The following DDHD1 variants were observed in gnomAD, a reference collection of about 807,000 sequenced individuals.
The protein encoded by DDHD1 is phospholipase DDHD1.
A neutral mutation model predicts 96.4 loss-of-function variants in DDHD1; 49 were observed. That is an observed-to-expected ratio of 0.51 (90% CI 0.40 to 0.64). The LOEUF (loss-of-function observed/expected upper bound fraction) is 0.64. DDHD1 is among the 30% of genes least tolerant of loss of function. DDHD1 has a pLI of 0.00. For missense variants in DDHD1, 1,106 were observed against 1,161.2 expected (o/e 0.95, Z 0.69); for synonymous variants, 442 against 446.5 (o/e 0.99, Z 0.13).
intron 1 of DDHD1, among the ~76,000 whole-genome samples, chr14:53,119,057 C>G (rs1888777689): frequency 6.6e-6 from 1 of 152,150 alleles, no homozygotes; most frequent in Non-Finnish European, 1.5e-5. Flanking sequence ...CATATTCAGC[C>G]AAACTAAGCT....
chr14:53,058,709 C>T lies in DDHD1; in HGVS notation c.1843-83G>A, dbSNP rs12882412. 332,815 of 1,187,994 alleles carry T rather than the reference C, an allele frequency of 0.28. 48,339 individuals carry two copies. Among genetic ancestry groups the T allele is most frequent in the Middle Eastern group, 0.31 (1,562 of 5,016 alleles). 73.6% of individuals were successfully genotyped at this position (1,187,994 alleles called of 1,614,324 possible). A position where few individuals can be genotyped will look rare whatever the true frequency, so the allele number is the denominator to read the frequency against. On this transcript the variant is annotated intron_variant, in intron 8 of 12. Coordinates refer to ENST00000673822, the MANE Select transcript of DDHD1 (RefSeq NM_001160148.2). ...AATTTGGGCATAACGTAATATATGG[C>T]AAAATACAAATAATAAAATATCTTT...
intron 1 of DDHD1, among the ~76,000 whole-genome samples, chr14:53,127,579 C>T (rs1449518008): frequency 6.6e-6 from 1 of 152,164 alleles, no homozygotes; most frequent in Non-Finnish European, 1.5e-5. Flanking sequence ...CAAGACTAAC[C>T]GTGAAGAATC....
rs1216860364 is a variant in DDHD1, at chr14:53,037,410, G to A, written c.*9358C>T. ...GTTCTCTTTTCTCTGAAACCTTACT[G>A]GCATGTTATTAGACTTCTTTACAAT... On this transcript the variant is annotated 3_prime_UTR_variant, in exon 13 of 13. Transcript: ENST00000673822. 2.6e-5 allele frequency: 4 copies of A among 151,990 alleles called. No homozygotes were observed. The highest frequency in any genetic ancestry group is 7.2e-5 in the African/African-American group (3 of 41,404). The allele number at this position is 151,990 out of a possible 1,614,324, so 9.4% of individuals were successfully genotyped here.
At chr14:53,056,493 C>T (rs1161058451) in intron 9 of DDHD1, among the ~76,000 whole-genome samples, 4 of 152,232 alleles carry the variant, frequency 2.6e-5, no homozygotes, top group East Asian at 1.9e-4. Flanking sequence ...GATGGGGTCT[C>T]GCCTTGGTGC....
At chr14:53,071,522 A>G (rs1193632535) in intron 6 of DDHD1, among the ~76,000 whole-genome samples, 1 of 152,070 alleles carries the variant, frequency 6.6e-6, no homozygotes, top group Non-Finnish European at 1.5e-5. Flanking sequence ...GTAAGTTCTC[A>G]ATAAACAAAT....
At chr14:53,150,525 C>G (rs1203199235) in intron 1 of DDHD1, among the ~76,000 whole-genome samples, 1 of 152,196 alleles carries the variant, frequency 6.6e-6, no homozygotes, top group Non-Finnish European at 1.5e-5. Context: ...ACCACGCAGG[C>G]ATTAACAATT....
intron 4 of DDHD1, among the ~76,000 whole-genome samples, chr14:53,077,430 A>G (rs558633262): frequency 1.3e-5 from 2 of 152,308 alleles, no homozygotes; most frequent in African/African-American, 4.8e-5. Context: ...GAACTGAGGC[A>G]CAGTTAATCT....
intron 1 of DDHD1, among the ~76,000 whole-genome samples, chr14:53,116,799 T>C (rs1421438835): frequency 6.6e-6 from 1 of 151,936 alleles, no homozygotes; most frequent in East Asian, 1.9e-4. Context: ...CATCCTAACA[T>C]CGCAATGAAA....
chr14:53,150,826 T>C (rs1891292449), intron 1 of DDHD1, among the ~76,000 whole-genome samples: 1 of 152,230 alleles, frequency 6.6e-6, no homozygotes, highest in Non-Finnish European at 1.5e-5. Flanking sequence ...CACATATAAA[T>C]ATTCTGAATA....
At chr14:53,054,286 T>C in intron 11 of DDHD1, 152 bp downstream of exon 11, 1 of 614,696 alleles carries the variant, frequency 1.6e-6, no homozygotes, top group Non-Finnish European at 2.7e-6. Context: ...CTTAAAAATA[T>C]AAGCAGAAGG....
rs186361775 is a variant in DDHD1, at chr14:53,121,706, A to G, written c.839-17850T>C. Among the ~76,000 whole-genome samples the G allele has an allele frequency of 2.4e-3, 363 of 152,274 alleles. 1 individual carries two copies. The highest frequency in any genetic ancestry group is 9.6e-3 in the Admixed American group (147 of 15,292). On this transcript the variant is annotated intron_variant, in intron 1 of 12. Coordinates refer to ENST00000673822, the MANE Select transcript of DDHD1 (RefSeq NM_001160148.2). Reference sequence around the variant, plus strand: ...AACCAAATACCCCATGTTCTCAGTCAAAAGTGGGAGCTGAACAATGAGAAC... The same window carrying G: ...AACCAAATACCCCATGTTCTCAGTCGAAAGTGGGAGCTGAACAATGAGAAC...
intron 2 of DDHD1, among the ~76,000 whole-genome samples, chr14:53,094,964 G>GC (rs1175953280): frequency 6.6e-6 from 1 of 152,122 alleles, no homozygotes; most frequent in Non-Finnish European, 1.5e-5. Context: ...AGCCCCAGGA[G>GC]CCAGGGAATG....
intron 1 of DDHD1, among the ~76,000 whole-genome samples, chr14:53,125,370 A>G (rs1445727653): frequency 2.6e-5 from 4 of 152,076 alleles, no homozygotes; most frequent in Non-Finnish European, 5.9e-5. Context: ...CTTAGCTAAG[A>G]AAAAAAATAT....
chr14:53,066,502 A>G (rs1437686732), intron 6 of DDHD1, among the ~76,000 whole-genome samples: 9 of 152,180 alleles, frequency 5.9e-5, no homozygotes, highest in Admixed American at 5.9e-4. Flanking sequence ...AGGCTCTTTC[A>G]AATGCCTCAC....
chr14:53,101,162 G>A (rs1268261209), intron 2 of DDHD1, among the ~76,000 whole-genome samples: 1 of 152,118 alleles, frequency 6.6e-6, no homozygotes, highest in Non-Finnish European at 1.5e-5. Flanking sequence ...CAGAAGCTTA[G>A]AGCTAACAGT....
intron 4 of DDHD1, among the ~76,000 whole-genome samples, chr14:53,075,665 A>G (rs926804701): frequency 1.3e-5 from 2 of 152,210 alleles, no homozygotes; most frequent in African/African-American, 2.4e-5. Context: ...AAGCCTTTGG[A>G]CTTTCACAGC....
At position 53,060,748 on chromosome 14, in the gene DDHD1, A is replaced by C. The variant is rs183778995; in HGVS notation, c.1842+378T>G. Among the ~76,000 whole-genome samples the C allele has an allele frequency of 2.7e-3, 418 of 152,242 alleles. 4 individuals carry two copies. The highest frequency in any genetic ancestry group is 0.017 in the Middle Eastern group (5 of 294). On this transcript the variant is annotated intron_variant, in intron 8 of 12. Transcript: ENST00000673822. ...AGCCCTCTATGCCTTTGTTTATGCC[A>C]TTCCTCTTAAACAGAATAGCATCTC...
intron 8 of DDHD1, among the ~76,000 whole-genome samples, chr14:53,060,052 A>G (rs575753443): frequency 1.2e-4 from 19 of 152,190 alleles, no homozygotes; most frequent in South Asian, 8.3e-4. Flanking sequence ...GATAGATTCA[A>G]TTTAAAAACT....
rs57714357 is a variant in DDHD1 at position 53,077,942 on chromosome 14, T to C, written c.1290-4095A>G. On this transcript the variant is annotated intron_variant, in intron 4 of 12. Transcript: ENST00000673822. ...TAATGTTTTCAAGTCTCATCCATGTTGCATCATAAATCAGTACTTCATTGC... is the reference window on the plus strand; with the variant it reads ...TAATGTTTTCAAGTCTCATCCATGTCGCATCATAAATCAGTACTTCATTGC... Among the ~76,000 whole-genome samples, 284 of 152,252 alleles carry C rather than the reference T, an allele frequency of 1.9e-3. 2 individuals carry two copies. The highest frequency in any genetic ancestry group is 6.4e-3 in the African/African-American group (267 of 41,576).
Sources: gnomAD v4.1 joint callset for allele counts (sites outside exome capture counted in the v4.1 genomes callset) on GRCh38, gnomAD v4.1.1 for gene constraint, MANE v1.5 for transcripts, NCBI Gene and HGNC (gene_info 2026-07-23, HGNC 2026-07-21) for gene names.